KIAA0586: variants seen among roughly 807,000 people sequenced by gnomAD.
KIAA0586 encodes protein TALPID3.
In KIAA0586, 144 loss-of-function variants were observed where a neutral mutation model predicts 169.8. That is an observed-to-expected ratio of 0.85 (90% CI 0.74 to 0.97). The LOEUF (loss-of-function observed/expected upper bound fraction) is 0.97, where lower values mean the gene tolerates loss of function less well. KIAA0586 is among the 50% of genes least tolerant of loss of function. KIAA0586 has a pLI of 0.00. For synonymous variants in KIAA0586, 625 were observed against 612.4 expected, an observed-to-expected ratio of 1.02 and a Z score of -0.30; for missense variants, 1,854 against 1,823.0, an observed-to-expected ratio of 1.02 and a Z score of -0.31.
intron 29 of KIAA0586, chr14:58,521,586 G>A (rs764881556): frequency 1.0e-6 from 1 of 995,062 alleles, no homozygotes; most frequent in Non-Finnish European, 1.6e-6. Context: ...AGGGGAAAAA[G>A]TGGCTTCAAT....
At chr14:58,492,361 C>CTAGTATTTT (rs2042891294) in intron 26 of KIAA0586, 86 bp downstream of exon 26, 1 of 1,273,330 alleles carries the variant, frequency 7.9e-7, no homozygotes, top group Admixed American at 3.1e-5. Flanking sequence ...TTAAAGCATG[C>CTAGTATTTT]TAGTATTTTG....
intron 27 of KIAA0586, among the ~76,000 whole-genome samples, chr14:58,506,421 G>A (rs1306929968): frequency 1.3e-5 from 2 of 152,154 alleles, no homozygotes; most frequent in Non-Finnish European, 2.9e-5. Context: ...GCTCATGCCT[G>A]TAATCCCAGC....
chr14:58,525,610 G>A (rs895183895), intron 29 of KIAA0586, among the ~76,000 whole-genome samples: 17 of 152,202 alleles, frequency 1.1e-4, no homozygotes, highest in African/African-American at 3.4e-4. Context: ...AGGGCCCTAG[G>A]TTTCAAGCAC....
chr14:58,430,508 C>T (rs927152899), intron 2 of KIAA0586, 140 bp from the exon 3 acceptor site: 1 of 543,452 alleles, frequency 1.8e-6, no homozygotes, highest in South Asian at 3.0e-5. Context: ...ATCAGAATTG[C>T]ATGATGATGG....
chr14:58,451,575 C>T (rs1013008360), intron 8 of KIAA0586, among the ~76,000 whole-genome samples: 1 of 152,040 alleles, frequency 6.6e-6, no homozygotes, highest in African/African-American at 2.4e-5. Flanking sequence ...GAAGGTAAGG[C>T]TGATCATTTT....
chr14:58,427,700 T>C (rs1464299584), upstream of KIAA0586: 12 of 1,535,364 alleles, frequency 7.8e-6, no homozygotes, highest in East Asian at 2.4e-4. Context: ...AAGTGGGTGT[T>C]GACCTGCGGG....
intron 5 of KIAA0586, 81 bp from the exon 6 acceptor site, chr14:58,443,873 A>G (rs2038626210): frequency 1.2e-6 from 1 of 848,364 alleles, no homozygotes; most frequent in Non-Finnish European, 1.9e-6. Flanking sequence ...ATGCCAATTG[A>G]TTTAAATAAC....
chr14:58,536,052 A>T (rs1479485321), intron 29 of KIAA0586, among the ~76,000 whole-genome samples: 2 of 151,806 alleles, frequency 1.3e-5, no homozygotes, highest in Non-Finnish European at 2.9e-5. Flanking sequence ...GCCCAAAATA[A>T]TTTTTTTTTA....
In KIAA0586 at chr14:58,450,576, A is replaced by C. The variant is rs755664577; in HGVS notation, c.962-3A>C. 6.3e-7 allele frequency: 1 copy of C among 1,586,678 alleles called. No homozygotes were observed. Among genetic ancestry groups the C allele is most frequent in the Non-Finnish European group, 8.6e-7 (1 of 1,168,334 alleles). ...TAAGTTTTTAAAAAATTTTCTGTTA[A>C]AGCACCTTTAAAAGAAGTTGAAGAT... is the stretch of plus-strand genomic sequence containing the variant. On this transcript the variant is annotated splice_region_variant and splice_polypyrimidine_tract_variant and intron_variant, in intron 7 of 30. Transcript: ENST00000652326.
chr14:58,523,052 C>A (rs1458714449), intron 29 of KIAA0586, among the ~76,000 whole-genome samples: 5 of 151,770 alleles, frequency 3.3e-5, no homozygotes, highest in Non-Finnish European at 7.4e-5. Flanking sequence ...ATATCTATAT[C>A]TATGTCATAT....
intron 29 of KIAA0586, among the ~76,000 whole-genome samples, chr14:58,519,438 G>T (rs919028692): frequency 6.6e-6 from 1 of 152,146 alleles, no homozygotes; most frequent in Admixed American, 6.5e-5. Context: ...AAGAGAGAAT[G>T]ATAAGATTCT....
Position 58,457,835 on chromosome 14 carries a change from C to T in KIAA0586, c.1439C>T (p.Thr480Ile), listed in dbSNP as rs61745119. Residue 480 changes from threonine (T) to isoleucine (I), a missense_variant, in exon 11 of 31, where the codon ACA (threonine) becomes ATA (isoleucine). Coordinates refer to ENST00000652326, the MANE Select transcript of KIAA0586 (RefSeq NM_001329943.3). ...NSVKLQTTNT[T>I]RSVLKDAEKI... is the part of the protein sequence containing the mutation. ...GTTAAGCTTCAAACAACCAATACAA[C>T]AAGATCTGTATTGAAAGATGCTGAG... 1,878 of 1,607,862 alleles carry T rather than the reference C, an allele frequency of 1.2e-3. 18 individuals carry two copies. The African/African-American group carries it at 0.02, about 17-fold the overall frequency.
chr14:58,561,042 GA>G, the KIAA0586 span, among the ~76,000 whole-genome samples: 28 of 152,224 alleles, frequency 1.8e-4, no homozygotes, highest in Non-Finnish European at 2.9e-5. Flanking sequence ...ACTGTCCACA[GA>G]AGGGCTTATA....
intron 30 of KIAA0586, among the ~76,000 whole-genome samples, chr14:58,542,488 A>T (rs1263267460): frequency 1.3e-5 from 2 of 152,148 alleles, no homozygotes; most frequent in Non-Finnish European, 2.9e-5. Context: ...AAAAAAAAAA[A>T]AATTCCCAAA....
intron 3 of KIAA0586, 28 bp downstream of exon 3, chr14:58,430,745 A>G (rs2037294880): frequency 1.5e-6 from 2 of 1,332,996 alleles, no homozygotes; most frequent in Non-Finnish European, 2.1e-6. Context: ...ATTTTTTTAA[A>G]TTGTGACAAC....
intron 19 of KIAA0586, among the ~76,000 whole-genome samples, chr14:58,476,815 G>A (rs926316418): frequency 6.6e-6 from 1 of 151,602 alleles, no homozygotes; most frequent in African/African-American, 2.4e-5. Flanking sequence ...CTACAGGCAC[G>A]TACCACCTAA....
At chr14:58,445,092 C>T (rs2038753769) in intron 6 of KIAA0586, among the ~76,000 whole-genome samples, 3 of 148,678 alleles carry the variant, frequency 2.0e-5, no homozygotes, top group South Asian at 4.3e-4. Flanking sequence ...GACCCTATCT[C>T]AAAAAAAAAG....
intron 26 of KIAA0586, among the ~76,000 whole-genome samples, chr14:58,497,797 G>A (rs2043263763): frequency 6.6e-6 from 1 of 151,842 alleles, no homozygotes. Context: ...TGAAGAATGA[G>A]AGAAATTTTC....
chr14:58,456,033 C>A (rs1280752932), intron 9 of KIAA0586, among the ~76,000 whole-genome samples: 1 of 6,596 alleles, frequency 1.5e-4, no homozygotes, highest in Admixed American at 2.7e-3. Context: ...CAATTGCCAC[C>A]GTTTTTTGAA....
Sources: allele counts gnomAD v4.1 joint callset (sites outside exome capture counted in the v4.1 genomes callset), GRCh38; gene constraint gnomAD v4.1.1; transcripts MANE v1.5; gene names NCBI Gene and HGNC (gene_info 2026-07-23, HGNC 2026-07-21).